CDKAL1: variants seen among roughly 807,000 people sequenced by gnomAD.
CDKAL1 encodes CDKAL1 threonylcarbamoyladenosine tRNA methylthiotransferase.
In CDKAL1, 32 loss-of-function variants were observed where a neutral mutation model predicts 68.2. The observed-to-expected ratio is 0.47, with a 90% CI of 0.35 to 0.63. The LOEUF is 0.63. CDKAL1 is among the 30% of genes least tolerant of loss of function. The pLI is 0.00. For missense variants in CDKAL1, 606 were observed against 696.7 expected (o/e 0.87, Z 1.47); for synonymous variants, 234 against 244.3 (o/e 0.96, Z 0.39).
chr6:20,698,661 C>T (rs535580100), intron 5 of CDKAL1, among the ~76,000 whole-genome samples: 38 of 152,152 alleles, frequency 2.5e-4, no homozygotes, highest in African/African-American at 9.2e-4. Context: ...TGGTGAAGTG[C>T]CATTCTCATC....
At chr6:21,127,666 C>G (rs1248097574) in intron 13 of CDKAL1, among the ~76,000 whole-genome samples, 1 of 152,128 alleles carries the variant, frequency 6.6e-6, no homozygotes, top group Non-Finnish European at 1.5e-5. Context: ...AGGAGAATCA[C>G]TTGAACCTGG....
At chr6:21,076,145 T>G (rs756012851) in intron 12 of CDKAL1, among the ~76,000 whole-genome samples, 4 of 152,174 alleles carry the variant, frequency 2.6e-5, no homozygotes, top group Non-Finnish European at 4.4e-5. Context: ...AGGGACATTC[T>G]TGTGGGGGTT....
intron 10 of CDKAL1, among the ~76,000 whole-genome samples, chr6:20,963,395 GGCCT>G (rs1308359241): frequency 6.6e-6 from 1 of 151,970 alleles, no homozygotes; most frequent in Admixed American, 6.6e-5. Flanking sequence ...CCCTTGTCCA[GGCCT>G]CAGCCCCTAA....
chr6:20,745,960 C>T (rs62399303), intron 6 of CDKAL1, among the ~76,000 whole-genome samples: 8,523 of 152,212 alleles, frequency 0.056, 280 homozygotes, highest in African/African-American at 0.095. Context: ...TTTTAATTTG[C>T]AACATGTTCT....
chr6:20,638,608 A>G (rs1768011856), intron 4 of CDKAL1, among the ~76,000 whole-genome samples: 1 of 120,834 alleles, frequency 8.3e-6, no homozygotes, highest in Non-Finnish European at 1.6e-5. Flanking sequence ...GTATCTTATT[A>G]GAGATTCTTT....
intron 7 of CDKAL1, among the ~76,000 whole-genome samples, chr6:20,761,385 C>T (rs1774457388): frequency 6.6e-6 from 1 of 152,206 alleles, no homozygotes. Context: ...TAAAACTAAA[C>T]ACAGTCTTAC....
intron 11 of CDKAL1, among the ~76,000 whole-genome samples, chr6:21,008,402 G>C (rs1011472207): frequency 6.6e-6 from 1 of 152,104 alleles, no homozygotes; most frequent in Non-Finnish European, 1.5e-5. Flanking sequence ...AAAAGGCAGG[G>C]TCAGGCCCGT....
intron 4 of CDKAL1, among the ~76,000 whole-genome samples, chr6:20,580,122 G>T (rs1272314537): frequency 6.6e-6 from 1 of 152,186 alleles, no homozygotes; most frequent in Non-Finnish European, 1.5e-5. Flanking sequence ...TTTGAATTAG[G>T]CAATGGCAAT....
intron 13 of CDKAL1, among the ~76,000 whole-genome samples, chr6:21,190,406 C>T (rs1255578689): frequency 2.0e-5 from 3 of 149,706 alleles, no homozygotes; most frequent in Non-Finnish European, 3.0e-5. Context: ...TCATTCTTGT[C>T]GCCCAGGCTG....
At chr6:20,852,140 A>T (rs1392135654) in intron 9 of CDKAL1, among the ~76,000 whole-genome samples, 1 of 152,208 alleles carries the variant, frequency 6.6e-6, no homozygotes, top group East Asian at 1.9e-4. Context: ...GGCAGCTTAC[A>T]TTAAATGATT....
chr6:20,798,572 A>G (rs1481283428), intron 8 of CDKAL1, among the ~76,000 whole-genome samples: 1 of 152,150 alleles, frequency 6.6e-6, no homozygotes, highest in Admixed American at 6.5e-5. Flanking sequence ...ACCATGGAAT[A>G]CTATGCAGCC....
intron 5 of CDKAL1, among the ~76,000 whole-genome samples, chr6:20,674,432 A>G (rs1325282860): frequency 1.3e-5 from 2 of 152,046 alleles, no homozygotes; most frequent in East Asian, 3.9e-4. Flanking sequence ...CTATTTTTTT[A>G]GAGTTTTTTC....
intron 8 of CDKAL1, among the ~76,000 whole-genome samples, chr6:20,843,124 T>C (rs1302781155): frequency 1.3e-5 from 2 of 152,098 alleles, no homozygotes; most frequent in Non-Finnish European, 2.9e-5. Flanking sequence ...AACACATCTG[T>C]CCATAAAGTT....
rs563112822 is a variant in CDKAL1 at position 21,052,291 on chromosome 6, A to G, written c.1056-12757A>G. On this transcript the variant is annotated intron_variant, in intron 11 of 15. Coordinates refer to ENST00000274695, the MANE Select transcript of CDKAL1 (RefSeq NM_017774.3). ...CCTTCTTCAAGTCCTTCATGATTTC[A>G]TGCTCTGAACGTAATTCCTTTATTC... Among the ~76,000 whole-genome samples the G allele has an allele frequency of 8.5e-5, 13 of 152,260 alleles. No individual in the cohort carries two copies. In the East Asian group the frequency reaches 2.5e-3, roughly 29 times the overall value.
chr6:21,157,168 G>T (rs541323209), intron 13 of CDKAL1, among the ~76,000 whole-genome samples: 1 of 152,110 alleles, frequency 6.6e-6, no homozygotes, highest in Non-Finnish European at 1.5e-5. Flanking sequence ...TTGCTCCAGT[G>T]CTCCTAGCCA....
chr6:20,643,151 G>A (rs982675261), intron 4 of CDKAL1, among the ~76,000 whole-genome samples: 1 of 152,122 alleles, frequency 6.6e-6, no homozygotes, highest in Non-Finnish European at 1.5e-5. Context: ...TCTTTCTTGG[G>A]CACTCTCTAA....
chr6:21,206,903 T>C (rs184735552), intron 15 of CDKAL1, among the ~76,000 whole-genome samples: 1 of 151,054 alleles, frequency 6.6e-6, no homozygotes, highest in Non-Finnish European at 1.5e-5. Context: ...TCCTGGCTTT[T>C]ATTTTGATTT....
At chr6:21,103,439 A>AG (rs1387796194) in intron 12 of CDKAL1, among the ~76,000 whole-genome samples, 5 of 23,096 alleles carry the variant, frequency 2.2e-4, no homozygotes, top group Non-Finnish European at 3.2e-4. Flanking sequence ...GAGTATAAGA[A>AG]AAAAAAAAAA....
chr6:21,014,495 C>T (rs561042184), intron 11 of CDKAL1, among the ~76,000 whole-genome samples: 24 of 152,100 alleles, frequency 1.6e-4, no homozygotes, highest in Admixed American at 5.2e-4. Flanking sequence ...CCTGTAGTCC[C>T]GGCTACTCAG....
Sources: allele counts gnomAD v4.1 joint callset (sites outside exome capture counted in the v4.1 genomes callset), GRCh38; gene constraint gnomAD v4.1.1; transcripts MANE v1.5; gene names NCBI Gene and HGNC (gene_info 2026-07-23, HGNC 2026-07-21).